The following LRMDA variants were observed in gnomAD, a reference collection of about 807,000 sequenced individuals.
LRMDA encodes leucine rich melanocyte differentiation associated, also known as leucine-rich melanocyte differentiation-associated protein.
LRMDA carries 18 observed loss-of-function variants against 29.8 expected under a neutral mutation model. The ratio of observed to expected loss-of-function variants is 0.60; its 90% confidence interval spans 0.42 to 0.90. LRMDA has a LOEUF of 0.90. Among genes scored for constraint, LRMDA ranks in the 40% least tolerant of loss-of-function variants. The pLI is 0.00. For missense variants in LRMDA, 273 were observed against 273.9 expected, an observed-to-expected ratio of 1.00 and a Z score of 0.02; for synonymous variants, 125 against 109.4, an observed-to-expected ratio of 1.14 and a Z score of -0.89.
intron 2 of LRMDA, among the ~76,000 whole-genome samples, chr10:75,933,127 C>G (rs1229867155): frequency 6.6e-6 from 1 of 152,092 alleles, no homozygotes; most frequent in Non-Finnish European, 1.5e-5. Flanking sequence ...GACAGTGGGT[C>G]TGAATTTAAG....
chr10:75,647,995 A>C (rs10824322), intron 2 of LRMDA, among the ~76,000 whole-genome samples: 2 of 147,020 alleles, frequency 1.4e-5, no homozygotes, highest in Non-Finnish European at 3.0e-5. Flanking sequence ...CCTCCAAATG[A>C]TACCAAATGC....
chr10:76,043,403 ATG>A (rs1171826229), intron 3 of LRMDA, among the ~76,000 whole-genome samples: 1 of 152,196 alleles, frequency 6.6e-6, no homozygotes, highest in Non-Finnish European at 1.5e-5. Flanking sequence ...TCATAATTAA[ATG>A]TTACTCCTAC....
intron 2 of LRMDA, among the ~76,000 whole-genome samples, chr10:75,502,482 C>G (rs983062622): frequency 2.0e-5 from 3 of 151,928 alleles, no homozygotes; most frequent in African/African-American, 7.3e-5. Context: ...CTAAGGGCCT[C>G]TGTTTACTCT....
chr10:76,124,208 T>G (rs563272925), intron 5 of LRMDA, among the ~76,000 whole-genome samples: 91 of 152,320 alleles, frequency 6.0e-4, no homozygotes, highest in African/African-American at 2.1e-3. Context: ...GTGACCCAGA[T>G]GAAAGGGGGT....
In LRMDA at chr10:76,524,619, C is replaced by A. The variant is rs987491172; in HGVS notation, c.602-32590C>A. Among the ~76,000 whole-genome samples the A allele has an allele frequency of 3.9e-5, 6 of 152,202 alleles. 1 individual carries two copies. Among genetic ancestry groups the A allele is most frequent in the Non-Finnish European group, 1.5e-5 (1 of 68,028 alleles). Reference sequence around the variant, plus strand: ...CGTGATGGCTCTCAGCTCTTGTATTCCATAGATCTTTCCTTTTGAACGGTG... The same window carrying A: ...CGTGATGGCTCTCAGCTCTTGTATTACATAGATCTTTCCTTTTGAACGGTG... On this transcript the variant is annotated intron_variant, in intron 6 of 6. Coordinates refer to ENST00000611255, the MANE Select transcript of LRMDA (RefSeq NM_001305581.2).
At chr10:76,347,884 A>G (rs1841128129) in intron 6 of LRMDA, among the ~76,000 whole-genome samples, 1 of 152,184 alleles carries the variant, frequency 6.6e-6, no homozygotes, top group African/African-American at 2.4e-5. Flanking sequence ...TTGTTTTTTT[A>G]CATATTAAAT....
At chr10:75,970,520 G>A (rs1248189763) in intron 2 of LRMDA, among the ~76,000 whole-genome samples, 1 of 152,144 alleles carries the variant, frequency 6.6e-6, no homozygotes, top group Non-Finnish European at 1.5e-5. Flanking sequence ...CCATCTAGTT[G>A]GTACTTTAAT....
chr10:76,092,384 C>T (rs1849245130), intron 5 of LRMDA, among the ~76,000 whole-genome samples: 1 of 152,136 alleles, frequency 6.6e-6, no homozygotes, highest in Non-Finnish European at 1.5e-5. Context: ...GTTGGAGAGC[C>T]ACCAAATGAT....
intron 5 of LRMDA, among the ~76,000 whole-genome samples, chr10:76,206,779 C>T (rs139944290): frequency 5.9e-4 from 90 of 152,270 alleles, no homozygotes; most frequent in Middle Eastern, 3.4e-3. Context: ...GGCATACCTC[C>T]GATTGCCCCA....
chr10:75,833,321 A>G (rs1246841299), intron 2 of LRMDA, among the ~76,000 whole-genome samples: 1 of 152,218 alleles, frequency 6.6e-6, no homozygotes, highest in Non-Finnish European at 1.5e-5. Flanking sequence ...AGAGCATCTC[A>G]TATTCTAATG....
chr10:75,841,862 G>A (rs1844546334), intron 2 of LRMDA, among the ~76,000 whole-genome samples: 1 of 152,192 alleles, frequency 6.6e-6, no homozygotes, highest in Admixed American at 6.5e-5. Context: ...TTAGGACATT[G>A]TCACAGCTTA....
intron 2 of LRMDA, among the ~76,000 whole-genome samples, chr10:75,799,261 T>G (rs1390525172): frequency 1.3e-5 from 2 of 152,224 alleles, no homozygotes. Context: ...GCACACATAT[T>G]TATGATTCGT....
intron 4 of LRMDA, among the ~76,000 whole-genome samples, chr10:76,048,398 AAAG>A (rs1396720699): frequency 1.3e-5 from 2 of 152,186 alleles, no homozygotes; most frequent in Non-Finnish European, 2.9e-5. Context: ...TGCAAAAGGA[AAAG>A]AAGAGCTAAG....
intron 5 of LRMDA, among the ~76,000 whole-genome samples, chr10:76,210,317 C>T (rs1851613343): frequency 6.6e-6 from 1 of 152,148 alleles, no homozygotes; most frequent in Admixed American, 6.5e-5. Flanking sequence ...ATAATGATTG[C>T]ATTCGAATTA....
chr10:75,626,820 A>G (rs182440107), intron 2 of LRMDA, among the ~76,000 whole-genome samples: 1 of 152,292 alleles, frequency 6.6e-6, no homozygotes, highest in East Asian at 1.9e-4. Context: ...AGAAGTGGAC[A>G]GGCTAAGGTT....
chr10:75,862,750 C>T (rs1415000436), intron 2 of LRMDA, among the ~76,000 whole-genome samples: 2 of 152,138 alleles, frequency 1.3e-5, no homozygotes, highest in East Asian at 3.9e-4. Context: ...TCACCATGAT[C>T]AGAAGTATTC....
At chr10:75,902,160 A>G (rs1212702330) in intron 2 of LRMDA, among the ~76,000 whole-genome samples, 2 of 152,112 alleles carry the variant, frequency 1.3e-5, no homozygotes, top group African/African-American at 2.4e-5. Flanking sequence ...CTACCCACCA[A>G]TGGCTGCTCT....
At chr10:75,751,248 G>A (rs1231039031) in intron 2 of LRMDA, among the ~76,000 whole-genome samples, 1 of 152,122 alleles carries the variant, frequency 6.6e-6, no homozygotes, top group Non-Finnish European at 1.5e-5. Context: ...AGGTTGCAGT[G>A]AGCCGAGATG....
chr10:75,791,787 A>T (rs1366770592), intron 2 of LRMDA, among the ~76,000 whole-genome samples: 1 of 151,140 alleles, frequency 6.6e-6, no homozygotes, highest in East Asian at 2.0e-4. Context: ...TAATGATCTG[A>T]CCGCTTGCTA....
Sources: gnomAD v4.1 joint callset for allele counts (sites outside exome capture counted in the v4.1 genomes callset) on GRCh38, gnomAD v4.1.1 for gene constraint, MANE v1.5 for transcripts, NCBI Gene and HGNC (gene_info 2026-07-23, HGNC 2026-07-21) for gene names.